Variants in MGAT5 observed in about 807,000 individuals in gnomAD.
MGAT5 encodes alpha-1,6-mannosylglycoprotein 6-beta-N-acetylglucosaminyltransferase A.
Under a neutral mutation model 94.3 loss-of-function variants are expected in MGAT5, and 30 were observed. The observed-to-expected ratio is 0.32, with a 90% confidence interval of 0.24 to 0.43. The LOEUF is 0.43. Among genes scored for constraint, MGAT5 ranks in the 20% least tolerant of loss-of-function variants. The probability of loss-of-function intolerance (pLI) is 1.00; values close to 1 mark genes in which losing one functional copy is unlikely to be tolerated. For missense variants in MGAT5, 691 were observed against 905.5 expected, an observed-to-expected ratio of 0.76 and a Z score of 3.04; for synonymous variants, 310 against 322.9, an observed-to-expected ratio of 0.96 and a Z score of 0.43.
intron 1 of MGAT5, among the ~76,000 whole-genome samples, chr2:134,170,076 C>G (rs1688134533): frequency 6.6e-6 from 1 of 152,112 alleles, no homozygotes; most frequent in Non-Finnish European, 1.5e-5. Flanking sequence ...TTTATGAAAA[C>G]ATAAAAGATT....
chr2:134,168,940 G>C (rs112079142), intron 1 of MGAT5, among the ~76,000 whole-genome samples: 2 of 152,194 alleles, frequency 1.3e-5, no homozygotes, highest in Non-Finnish European at 2.9e-5. Context: ...GGATCAACCT[G>C]ACAGGTTCCA....
intron 10 of MGAT5, among the ~76,000 whole-genome samples, chr2:134,368,317 C>T (rs1194231864): frequency 6.6e-6 from 1 of 152,224 alleles, no homozygotes; most frequent in African/African-American, 2.4e-5. Flanking sequence ...GCCTTGCAGC[C>T]AGTTCTGTAG....
At chr2:134,263,733 T>A (rs1036275119) in intron 1 of MGAT5, among the ~76,000 whole-genome samples, 8 of 152,198 alleles carry the variant, frequency 5.3e-5, no homozygotes, top group African/African-American at 1.7e-4. Flanking sequence ...AAGAGTACAA[T>A]TCATTGTACT....
chr2:134,452,987 A>G lies in MGAT5; in HGVS notation c.*4140A>G, dbSNP rs1434006891. 1.3e-5 allele frequency: 2 copies of G among 152,246 alleles called. No individual in the cohort carries two copies. The highest frequency in any genetic ancestry group is 2.9e-5 in the Non-Finnish European group (2 of 68,042). 9.4% of individuals were successfully genotyped at this position (152,246 alleles called of 1,614,324 possible). On this transcript the variant is annotated 3_prime_UTR_variant, in exon 16 of 16. Transcript: ENST00000281923. ...TAGCAAAAGACCAAATTAGCTGTAG[A>G]GTCTTGAATGCAGAAAAAAATTACC...
intron 1 of MGAT5, among the ~76,000 whole-genome samples, chr2:134,135,731 TGTGG>T (rs1224107400): frequency 7.2e-6 from 1 of 139,598 alleles, no homozygotes; most frequent in Non-Finnish European, 1.6e-5. Context: ...TTGGCCCACA[TGTGG>T]GGTATAGCAG....
intron 4 of MGAT5, among the ~76,000 whole-genome samples, chr2:134,332,789 C>T (rs1338238001): frequency 6.6e-6 from 1 of 152,222 alleles, no homozygotes; most frequent in Non-Finnish European, 1.5e-5. Flanking sequence ...TGAACAGGCA[C>T]TTCTCAAAAG....
upstream of MGAT5, among the ~76,000 whole-genome samples, chr2:134,251,328 C>T (rs1001499127): frequency 6.6e-6 from 1 of 152,150 alleles, no homozygotes; most frequent in Admixed American, 6.5e-5. Flanking sequence ...GCCTGATGGC[C>T]GCTCATGCTC....
chr2:134,334,496 C>CTCT (rs371566442), intron 4 of MGAT5, among the ~76,000 whole-genome samples: 1 of 34,108 alleles, frequency 2.9e-5, no homozygotes, highest in Non-Finnish European at 4.9e-5. Flanking sequence ...CTTGCTCATC[C>CTCT]TTTTTTTTTT....
chr2:134,268,397 C>T lies in MGAT5; in HGVS notation c.242-1989C>T, dbSNP rs1683843444. ...CCACTTCTCACTGGCACGACTGCCC[C>T]CTTCTGTGTGACTGGCCTCTGGCAC... On this transcript the variant is annotated intron_variant, in intron 1 of 15. Transcript: ENST00000281923. The surrounding 1 kb of genome is among the most constrained non-coding windows in gnomAD (Gnocchi z 4.1). Among the ~76,000 whole-genome samples, 1 of 152,212 alleles carries T rather than the reference C, an allele frequency of 6.6e-6. No individual in the cohort carries two copies.
chr2:134,395,591 C>T (rs1454930988), intron 10 of MGAT5, among the ~76,000 whole-genome samples: 1 of 152,092 alleles, frequency 6.6e-6, no homozygotes, highest in Non-Finnish European at 1.5e-5. Context: ...CATTTTATTC[C>T]CAGTGCTGGC....
At position 134,270,450 on chromosome 2, in the gene MGAT5, G is replaced by A. The variant is rs769598579; in HGVS notation, c.306G>A (p.Ser102=). The A allele has an allele frequency of 5.6e-6, 9 of 1,614,202 alleles. No individual in the cohort carries two copies. The East Asian group carries it at 1.8e-4, about 32-fold the overall frequency. The change falls in exon 2 of 16, where the codon TCG becomes TCA. Residue 102 remains serine (S), a synonymous_variant. Coordinates refer to ENST00000281923, the MANE Select transcript of MGAT5 (RefSeq NM_002410.5). Reference sequence around the variant, plus strand: ...TGCAGCGCATTGGCAAGTTGGAGTCGAAGGTGGACAATCTTGTTGTCAATG... The same window carrying A: ...TGCAGCGCATTGGCAAGTTGGAGTCAAAGGTGGACAATCTTGTTGTCAATG... The part of the protein sequence containing the change: ...NILQRIGKLE[S]KVDNLVVNGT...
intron 1 of MGAT5, among the ~76,000 whole-genome samples, chr2:134,246,647 C>T (rs922600074): frequency 7.9e-5 from 12 of 152,192 alleles, no homozygotes; most frequent in African/African-American, 2.7e-4. Flanking sequence ...CTTAATAGTA[C>T]TGGACTTTGG....
At chr2:134,382,317 T>G (rs1005264885) in intron 10 of MGAT5, among the ~76,000 whole-genome samples, 2 of 152,042 alleles carry the variant, frequency 1.3e-5, no homozygotes, top group African/African-American at 2.4e-5. Flanking sequence ...ATCTCTGACA[T>G]TGTGATAGAA....
intron 1 of MGAT5, among the ~76,000 whole-genome samples, chr2:134,227,526 C>T (rs1013409801): frequency 2.6e-5 from 4 of 152,078 alleles, no homozygotes; most frequent in Non-Finnish European, 5.9e-5. Context: ...CAAATTATTG[C>T]CTAAAACAAA....
At chr2:134,446,621 C>T (rs1181583805) in intron 15 of MGAT5, among the ~76,000 whole-genome samples, 1 of 152,174 alleles carries the variant, frequency 6.6e-6, no homozygotes, top group African/African-American at 2.4e-5. Flanking sequence ...AAATTGACTT[C>T]CTGCCCTCTC....
chr2:134,265,227 A>C (rs1265716817), intron 1 of MGAT5, among the ~76,000 whole-genome samples: 1 of 152,214 alleles, frequency 6.6e-6, no homozygotes, highest in Non-Finnish European at 1.5e-5. Flanking sequence ...TGATCTGGGA[A>C]ATGAAGGTTT....
At chr2:134,283,758 T>TGG (rs1486931543) in intron 2 of MGAT5, among the ~76,000 whole-genome samples, 1 of 149,384 alleles carries the variant, frequency 6.7e-6, no homozygotes. Context: ...TTGGTCTTCA[T>TGG]GGTTATTTAT....
intron 1 of MGAT5, among the ~76,000 whole-genome samples, chr2:134,131,071 T>C (rs1178585358): frequency 6.6e-6 from 1 of 152,204 alleles, no homozygotes; most frequent in Non-Finnish European, 1.5e-5. Flanking sequence ...TAAATTTTGC[T>C]GCTGGTCACT....
At chr2:134,198,528 A>G (rs942686681) in intron 1 of MGAT5, among the ~76,000 whole-genome samples, 1 of 152,202 alleles carries the variant, frequency 6.6e-6, no homozygotes, top group Non-Finnish European at 1.5e-5. Flanking sequence ...GCATTGTGCT[A>G]CAAAGCAGCT....
Sources: gnomAD v4.1 joint callset for allele counts (sites outside exome capture counted in the v4.1 genomes callset) on GRCh38, gnomAD v4.1.1 for gene constraint, Gnocchi (gnomAD v3.1) non-coding constraint, MANE v1.5 for transcripts, NCBI Gene and HGNC (gene_info 2026-07-23, HGNC 2026-07-21) for gene names.